Variants in ZCCHC14 observed in about 807,000 individuals in gnomAD.
ZCCHC14 encodes zinc finger CCHC-type containing 14, also known as zinc finger CCHC domain-containing protein 14.
ZCCHC14 carries 16 observed loss-of-function variants against 85.0 expected under a neutral mutation model. The ratio of observed to expected loss-of-function variants is 0.19; its 90% CI spans 0.13 to 0.29. The LOEUF is 0.29. Among genes scored for constraint, ZCCHC14 ranks in the 10% least tolerant of loss-of-function variants. The pLI, the probability that ZCCHC14 is intolerant of heterozygous loss-of-function variation, is 1.00. For synonymous variants in ZCCHC14, 775 were observed against 630.7 expected (o/e 1.23, Z -3.43); for missense variants, 1,303 against 1,443.5 (o/e 0.90, Z 1.58).
rs750505161 is a variant in ZCCHC14 at position 87,460,013 on chromosome 16, C to T, written c.689G>A (p.Ser230Asn). 1.2e-6 allele frequency: 2 copies of T among 1,614,162 alleles called. No individual in the cohort carries two copies. Among genetic ancestry groups the T allele is most frequent in the South Asian group, 2.2e-5 (2 of 91,084 alleles). ...AAACCCGTGCGTGCACTCACCTTTGCTGTGTTTTCCTAAGGGCCTCTTGGG... is the reference window on the plus strand; with the variant it reads ...AAACCCGTGCGTGCACTCACCTTTGTTGTGTTTTCCTAAGGGCCTCTTGGG... Reference protein sequence around the residue: ...SLPKRPLGKHSKVSVEKIDLK... With the variant: ...SLPKRPLGKHNKVSVEKIDLK... Residue 230 changes from serine to asparagine, a missense_variant, in exon 2 of 13, where the codon AGC becomes AAC. Physicochemically the swap from Ser to Asn is conservative, Grantham distance 46. Around this residue, in one of 7 missense-constraint regions of ZCCHC14, gnomAD observed 389 missense variants for 397.8 expected, o/e 0.98. Transcript: ENST00000671377.
rs201336117 is a variant in ZCCHC14, at chr16:87,411,738, C to T, written c.2983G>A (p.Gly995Arg). 18 of 1,612,802 alleles carry T rather than the reference C, an allele frequency of 1.1e-5. No homozygotes were observed. Among genetic ancestry groups the T allele is most frequent in the Admixed American group, 5.0e-5 (3 of 60,008 alleles). Reference sequence around the variant, plus strand: ...CCACTCAGGACAGGGTCTGGGGTCCCGCTGCTGCTGTAAGGGGCGTGCACG... The same window carrying T: ...CCACTCAGGACAGGGTCTGGGGTCCTGCTGCTGCTGTAAGGGGCGTGCACG... The part of the protein sequence containing the change: ...PVVHAPYSSS[G>R]TPDPVLSGQS... Residue 995 changes from glycine (G) to arginine (R), a missense_variant, in exon 12 of 13, where the codon GGG (glycine) becomes AGG (arginine). Coordinates refer to ENST00000671377, the MANE Select transcript of ZCCHC14 (RefSeq NM_015144.3).
chr16:87,408,356 GC>G lies in ZCCHC14; in HGVS notation c.*1923del, dbSNP rs1460023926. 6.6e-6 allele frequency: 1 copy of G among 152,362 alleles called. No homozygotes were observed. The highest frequency in any genetic ancestry group is 1.5e-5 in the Non-Finnish European group (1 of 68,004). 9.4% of individuals were successfully genotyped at this position (152,362 alleles called of 1,614,324 possible). On this transcript the variant is annotated 3_prime_UTR_variant, in exon 13 of 13. Coordinates refer to ENST00000671377, the MANE Select transcript of ZCCHC14 (RefSeq NM_015144.3). ...AGTTTGGCTTTCAGCACATATCCAGGCCACTGTAATGGCCTTCAGAAATATT... is the reference window on the plus strand; with the variant it reads ...AGTTTGGCTTTCAGCACATATCCAGGCACTGTAATGGCCTTCAGAAATATT...
At chr16:87,451,782 G>C (rs1372595960) in intron 2 of ZCCHC14, among the ~76,000 whole-genome samples, 1 of 152,244 alleles carries the variant, frequency 6.6e-6, no homozygotes, top group Non-Finnish European at 1.5e-5. Context: ...CTGATACAGG[G>C]AAGGAAGAAG....
Position 87,411,529 on chromosome 16 carries a change from G to C in ZCCHC14, c.3192C>G (p.Asp1064Glu). The C allele has an allele frequency of 1.9e-6, 3 of 1,613,578 alleles. No individual in the cohort carries two copies. The highest frequency in any genetic ancestry group is 1.1e-5 in the South Asian group (1 of 91,086). The change falls in exon 12 of 13, where the codon GAC becomes GAG. Residue 1064 changes from aspartate to glutamate, a missense_variant. Coordinates refer to ENST00000671377, the MANE Select transcript of ZCCHC14 (RefSeq NM_015144.3). ...GCGCGCGCTTACCTGGCCGGTTGAA[G>C]TCCATGGACGGCTGTTTGCAGTCCT... ...RAQDCKQPSMDFNRPGTFRLK... is the reference protein window; with the variant it reads ...RAQDCKQPSMEFNRPGTFRLK...
chr16:87,440,320 A>G (rs1449296166), intron 2 of ZCCHC14, among the ~76,000 whole-genome samples: 1 of 151,928 alleles, frequency 6.6e-6, no homozygotes, highest in Non-Finnish European at 1.5e-5. Flanking sequence ...GCACACCACC[A>G]CGCCTGGCTA....
intron 1 of ZCCHC14, among the ~76,000 whole-genome samples, chr16:87,460,412 G>A (rs1404890269): frequency 2.0e-5 from 3 of 152,100 alleles, no homozygotes; most frequent in African/African-American, 4.8e-5. Flanking sequence ...CAAAGAGGCC[G>A]GGCACGGTGG....
intron 2 of ZCCHC14, 53 bp from the exon 3 acceptor site, chr16:87,433,254 A>G (rs1909752636): frequency 1.3e-6 from 2 of 1,525,178 alleles, no homozygotes; most frequent in Non-Finnish European, 1.8e-6. Flanking sequence ...AAGTATATAC[A>G]TGATTATTTA....
intron 3 of ZCCHC14, among the ~76,000 whole-genome samples, chr16:87,428,317 GA>G: frequency 6.6e-6 from 1 of 152,312 alleles, no homozygotes; most frequent in Middle Eastern, 3.4e-3. Flanking sequence ...CTGAATAAGT[GA>G]AAGTTTTTAG....
At chr16:87,482,098 C>T (rs1912307475) in intron 1 of ZCCHC14, among the ~76,000 whole-genome samples, 1 of 152,184 alleles carries the variant, frequency 6.6e-6, no homozygotes. Flanking sequence ...CATGTCCCAA[C>T]ACTGCCGCAC....
At chr16:87,418,386 C>T (rs1908907364) in intron 7 of ZCCHC14, among the ~76,000 whole-genome samples, 1 of 152,190 alleles carries the variant, frequency 6.6e-6, no homozygotes, top group African/African-American at 2.4e-5. Context: ...AACCTCGCGC[C>T]CAGACAACAT....
Position 87,488,218 on chromosome 16 carries a change from G to A in ZCCHC14, c.570+3451C>T, listed in dbSNP as rs546593197. ...TTATCACTGACACAAAGAAAAAGCC[G>A]CAAAGGATTTATTTTAACTATTTCC... On this transcript the variant is annotated intron_variant, in intron 1 of 12. Coordinates refer to ENST00000671377, the MANE Select transcript of ZCCHC14 (RefSeq NM_015144.3). 3.9e-5 allele frequency among the ~76,000 whole-genome samples: 6 copies of A among 152,276 alleles called. No individual in the cohort carries two copies. In the South Asian group the frequency reaches 6.2e-4, roughly 16 times the overall value.
At chr16:87,486,834 G>A (rs1224936437) in intron 1 of ZCCHC14, among the ~76,000 whole-genome samples, 3 of 152,200 alleles carry the variant, frequency 2.0e-5, no homozygotes, top group African/African-American at 7.2e-5. Context: ...GAGAACAAGT[G>A]TTAAAGATGG....
intron 2 of ZCCHC14, among the ~76,000 whole-genome samples, chr16:87,451,948 C>G (rs1910727666): frequency 6.6e-6 from 1 of 152,266 alleles, no homozygotes; most frequent in African/African-American, 2.4e-5. Context: ...GCCGCATGTC[C>G]TCGCCTGAGC....
intron 2 of ZCCHC14, among the ~76,000 whole-genome samples, chr16:87,459,302 T>C (rs1911136280): frequency 6.6e-6 from 1 of 151,674 alleles, no homozygotes; most frequent in South Asian, 2.1e-4. Context: ...TTAAGGATGA[T>C]TTCCATGTGG....
At chr16:87,482,642 G>A (rs1268437215) in intron 1 of ZCCHC14, among the ~76,000 whole-genome samples, 1 of 152,234 alleles carries the variant, frequency 6.6e-6, no homozygotes, top group Non-Finnish European at 1.5e-5. Context: ...GAGGTCATAT[G>A]GATGGAGACA....
At chr16:87,487,597 A>G (rs1371016663) in intron 1 of ZCCHC14, among the ~76,000 whole-genome samples, 1 of 152,264 alleles carries the variant, frequency 6.6e-6, no homozygotes, top group Non-Finnish European at 1.5e-5. Context: ...AGCCCTCAGG[A>G]CAGCCCCGCA....
intron 2 of ZCCHC14, among the ~76,000 whole-genome samples, chr16:87,440,018 G>T (rs1395969933): frequency 6.6e-6 from 1 of 152,136 alleles, no homozygotes; most frequent in Non-Finnish European, 1.5e-5. Flanking sequence ...TGTTACCCAG[G>T]CTGCGCTCGA....
chr16:87,453,477 G>T (rs934430884), intron 2 of ZCCHC14, among the ~76,000 whole-genome samples: 1 of 152,234 alleles, frequency 6.6e-6, no homozygotes, highest in Non-Finnish European at 1.5e-5. Context: ...TGGGAAGAGG[G>T]GATAGGGCTG....
In ZCCHC14 at chr16:87,492,753, C is replaced by T. The variant is rs1388448410; in HGVS notation, c.-515G>A. On this transcript the variant is annotated 5_prime_UTR_variant, in exon 1 of 13. Transcript: ENST00000671377. This position sits in a 1 kb window ranked among gnomAD's most constrained non-coding sequence, Gnocchi z 6.7. ...GCCCAGGCCGGCCGTTACCCCGGGC[C>T]GCGGGCGCGGCGTCGCCGCCTGGGG... 6.8e-6 allele frequency: 1 copy of T among 146,602 alleles called. No homozygotes were observed. Among genetic ancestry groups the T allele is most frequent in the Non-Finnish European group, 1.5e-5 (1 of 65,900 alleles). The allele number at this position is 146,602 out of a possible 1,614,324, so 9.1% of individuals were successfully genotyped here. A position where few individuals can be genotyped will look rare whatever the true frequency, so the allele number is the denominator to read the frequency against.
Sources: allele counts gnomAD v4.1 joint callset (sites outside exome capture counted in the v4.1 genomes callset), GRCh38; gene constraint gnomAD v4.1.1; regional missense constraint gnomAD v4.1.1; non-coding constraint Gnocchi (gnomAD v3.1); transcripts MANE v1.5; gene names NCBI Gene and HGNC (gene_info 2026-07-23, HGNC 2026-07-21).